NTN1: variants seen among roughly 807,000 people sequenced by gnomAD.
NTN1 encodes netrin 1, also known as netrin-1.
A neutral mutation model predicts 54.2 loss-of-function variants in NTN1; 11 were observed. The observed-to-expected ratio is 0.20, with a 90% CI of 0.13 to 0.34. NTN1 has a LOEUF of 0.34. Among genes scored for constraint, NTN1 ranks in the 10% least tolerant of loss-of-function variants. The pLI is 1.00. For synonymous variants in NTN1, 371 were observed against 382.0 expected (o/e 0.97, Z 0.33); for missense variants, 740 against 893.1 (o/e 0.83, Z 2.18).
chr17:9,067,790 A>G (rs1046548580), intron 2 of NTN1, among the ~76,000 whole-genome samples: 3 of 152,188 alleles, frequency 2.0e-5, no homozygotes, highest in African/African-American at 7.2e-5. Flanking sequence ...CAGGTGACTC[A>G]GGGTGAGGGC....
At chr17:9,087,647 A>G (rs769973592) in intron 2 of NTN1, among the ~76,000 whole-genome samples, 1 of 152,118 alleles carries the variant, frequency 6.6e-6, no homozygotes, top group Non-Finnish European at 1.5e-5. Context: ...ACATCCTCAG[A>G]GCTCCCTCCA....
chr17:9,059,220 G>C (rs1169434097), intron 2 of NTN1, among the ~76,000 whole-genome samples: 1 of 152,140 alleles, frequency 6.6e-6, no homozygotes, highest in Non-Finnish European at 1.5e-5. Context: ...GGAAAATGCA[G>C]CAGGTACAGA....
chr17:9,136,865 C>T (rs918274273), intron 2 of NTN1, among the ~76,000 whole-genome samples: 8 of 152,216 alleles, frequency 5.3e-5, no homozygotes, highest in Admixed American at 3.3e-4. Context: ...TCAGACCTTT[C>T]CTTCCTCACT....
At chr17:9,181,240 G>A (rs537874811) in intron 4 of NTN1, among the ~76,000 whole-genome samples, 7 of 152,204 alleles carry the variant, frequency 4.6e-5, no homozygotes, top group East Asian at 1.9e-4. Flanking sequence ...TGGAATTTTC[G>A]CTTGCTCTTC....
intron 6 of NTN1, among the ~76,000 whole-genome samples, chr17:9,223,404 T>A (rs1228898628): frequency 6.6e-6 from 1 of 152,004 alleles, no homozygotes; most frequent in African/African-American, 2.4e-5. Flanking sequence ...ATACAAAAAT[T>A]AGCTGGGCGT....
intron 2 of NTN1, among the ~76,000 whole-genome samples, chr17:9,039,491 G>T (rs1166755566): frequency 6.6e-6 from 1 of 152,054 alleles, no homozygotes; most frequent in African/African-American, 2.4e-5. Context: ...TCTTCCAGAT[G>T]ATTTTTTTTT....
intron 2 of NTN1, among the ~76,000 whole-genome samples, chr17:9,044,593 T>C (rs150632433): frequency 9.5e-4 from 144 of 152,280 alleles, no homozygotes; most frequent in Non-Finnish European, 1.5e-3. Context: ...CTCATGTGTA[T>C]GTAAGATCAC....
In NTN1 at chr17:9,183,095, A is replaced by G. The variant is rs2142320058; in HGVS notation, c.1411+126A>G. ...AACCACTGTCCGGGCTCTGCTCCGTATGAGTGGCATCCTGGGTTGCATTGA... is the reference window on the plus strand; with the variant it reads ...AACCACTGTCCGGGCTCTGCTCCGTGTGAGTGGCATCCTGGGTTGCATTGA... On this transcript the variant is annotated intron_variant, in intron 5 of 6. Transcript: ENST00000173229. 1.6e-5 allele frequency: 15 copies of G among 940,520 alleles called. 1 individual carries two copies. Among genetic ancestry groups the G allele is most frequent in the East Asian group, 1.2e-4 (5 of 41,372 alleles). The allele number at this position is 940,520 out of a possible 1,614,324, so 58.3% of individuals were successfully genotyped here.
At chr17:9,088,371 T>C (rs7209630) in intron 2 of NTN1, among the ~76,000 whole-genome samples, 83,253 of 151,986 alleles carry the variant, frequency 0.55, 23,946 homozygotes, top group East Asian at 0.95. Flanking sequence ...GTGGCTTTAT[T>C]ACCAGCTCAC....
chr17:9,029,064 C>T (rs966276970), intron 2 of NTN1, among the ~76,000 whole-genome samples: 1 of 151,932 alleles, frequency 6.6e-6, no homozygotes, highest in African/African-American at 2.4e-5. Context: ...ACTTGTAGAG[C>T]AGGCCCACAG....
At chr17:9,118,832 T>C (rs1323701195) in intron 2 of NTN1, among the ~76,000 whole-genome samples, 1 of 152,268 alleles carries the variant, frequency 6.6e-6, no homozygotes, top group Non-Finnish European at 1.5e-5. Context: ...ATCAGTACTT[T>C]ATTCCTTTTC....
chr17:9,089,570 T>C (rs1381785996), intron 2 of NTN1, among the ~76,000 whole-genome samples: 1 of 152,208 alleles, frequency 6.6e-6, no homozygotes, highest in Non-Finnish European at 1.5e-5. Flanking sequence ...TTCCCTGTTC[T>C]CTACCCCTGG....
chr17:9,228,287 G>A (rs1166245197), intron 6 of NTN1, among the ~76,000 whole-genome samples: 1 of 152,206 alleles, frequency 6.6e-6, no homozygotes, highest in African/African-American at 2.4e-5. Context: ...CTCGGTGGAG[G>A]GAGGAAGGTC....
chr17:9,161,570 G>C (rs1378411230), intron 2 of NTN1, among the ~76,000 whole-genome samples: 1 of 152,054 alleles, frequency 6.6e-6, no homozygotes, highest in African/African-American at 2.4e-5. Context: ...ACAAGGTCAG[G>C]AGTTCAAGAC....
At chr17:9,142,885 T>G (rs2092302311) in intron 2 of NTN1, among the ~76,000 whole-genome samples, 1 of 152,226 alleles carries the variant, frequency 6.6e-6, no homozygotes, top group South Asian at 2.1e-4. Context: ...GAAATCAATA[T>G]GTAAAGTCCG....
At chr17:9,058,911 G>C (rs1597472975) in intron 2 of NTN1, among the ~76,000 whole-genome samples, 1 of 152,092 alleles carries the variant, frequency 6.6e-6, no homozygotes, top group Non-Finnish European at 1.5e-5. Context: ...GACTACCTGG[G>C]TTCAAATCCA....
At chr17:9,229,080 CTGTGTGTGTG>C (rs1905712236) in intron 6 of NTN1, among the ~76,000 whole-genome samples, 9 of 149,568 alleles carry the variant, frequency 6.0e-5, no homozygotes, top group South Asian at 2.1e-4. Flanking sequence ...GTGTTTGTGA[CTGTGTGTGTG>C]ACTGAGACTG....
At chr17:9,220,417 C>T (rs138746499) in intron 5 of NTN1, among the ~76,000 whole-genome samples, 7 of 152,296 alleles carry the variant, frequency 4.6e-5, no homozygotes, top group East Asian at 3.9e-4. Context: ...CAAAGAACAG[C>T]GATGGCTGGC....
At chr17:9,062,536 A>C in intron 2 of NTN1, among the ~76,000 whole-genome samples, 1 of 152,198 alleles carries the variant, frequency 6.6e-6, no homozygotes, top group East Asian at 1.9e-4. Context: ...CTTTGCAGCC[A>C]GGGGAACCTT....
Sources: allele counts gnomAD v4.1 joint callset (sites outside exome capture counted in the v4.1 genomes callset), GRCh38; gene constraint gnomAD v4.1.1; transcripts MANE v1.5; gene names NCBI Gene and HGNC (gene_info 2026-07-23, HGNC 2026-07-21).